RSL1D1: variants seen among roughly 807,000 people sequenced by gnomAD.
The protein encoded by RSL1D1 is ribosomal L1 domain containing 1.
In RSL1D1, 34 loss-of-function variants were observed where a neutral mutation model predicts 44.6. The observed-to-expected ratio is 0.76, with a 90% CI of 0.58 to 1.02. RSL1D1 has a LOEUF of 1.02. Among genes scored for constraint, RSL1D1 ranks in the 50% least tolerant of loss-of-function variants. The pLI, the probability that RSL1D1 is intolerant of heterozygous loss-of-function variation, is 0.00. For missense variants in RSL1D1, 767 were observed against 568.1 expected (o/e 1.35, Z -3.56); for synonymous variants, 271 against 207.4 (o/e 1.31, Z -2.63).
chr16:11,848,392 A>T (rs1175201352), intron 2 of RSL1D1, among the ~76,000 whole-genome samples: 1 of 152,340 alleles, frequency 6.6e-6, no homozygotes, highest in East Asian at 1.9e-4. Context: ...TTGCATATAT[A>T]ATTATTATAC....
chr16:11,846,777 T>G lies in RSL1D1; in HGVS notation c.451A>C (p.Ser151Arg), dbSNP rs200869091. 5.6e-5 allele frequency: 91 copies of G among 1,613,478 alleles called. No individual in the cohort carries two copies. The South Asian group carries it at 9.9e-4, about 18-fold the overall frequency. ...GCATCAGTAAGGAAGAAATCAAAAC[T>G]GCTCAGAAGGCGGAGCTTGGCTTCA... ...SYEAKLRLLS[S>R]FDFFLTDARI... Residue 151 changes from serine (S) to arginine (R), a missense_variant, in exon 4 of 9, where the codon AGT (serine) becomes CGT (arginine). By Grantham distance (110) the Ser-to-Arg change is moderately radical. Coordinates refer to ENST00000571133, the MANE Select transcript of RSL1D1 (RefSeq NM_015659.3).
At position 11,837,984 on chromosome 16, in the gene RSL1D1, T is replaced by G. The variant is rs747144661; in HGVS notation, c.1276A>C (p.Lys426Gln). ...ATTTTTGGCTTCTTCTCTGGGCTTT[T>G]CCCTGGGGTCTCAGACTCTGCAGCT... ...PKAAESETPG[K>Q]SPEKKPKIKE... The change falls in exon 9 of 9, where the codon AAA (lysine) becomes CAA (glutamine). Residue 426 changes from lysine (K) to glutamine (Q), a missense_variant. Coordinates refer to ENST00000571133, the MANE Select transcript of RSL1D1 (RefSeq NM_015659.3). The G allele has an allele frequency of 7.4e-6, 12 of 1,614,030 alleles. No homozygotes were observed. The African/African-American group carries it at 1.5e-4, about 20-fold the overall frequency.
intron 5 of RSL1D1, among the ~76,000 whole-genome samples, chr16:11,844,535 A>T (rs993567887): frequency 2.7e-4 from 41 of 152,166 alleles, no homozygotes; most frequent in African/African-American, 8.9e-4. Flanking sequence ...CTACTTCATT[A>T]CACCTGATGA....
chr16:11,851,209 C>T, intron 1 of RSL1D1, 199 bp downstream of exon 1: 1 of 634,732 alleles, frequency 1.6e-6, no homozygotes, highest in East Asian at 2.8e-5. Flanking sequence ...AATTCACTAG[C>T]GCCAGGCCGC....
rs978627087 is a variant in RSL1D1 at position 11,834,628 on chromosome 16, G to A, written c.*3159C>T. 2 of 152,188 alleles carry A rather than the reference G, an allele frequency of 1.3e-5. No individual in the cohort carries two copies. Among genetic ancestry groups the A allele is most frequent in the African/African-American group, 4.8e-5 (2 of 41,444 alleles). 9.4% of individuals were successfully genotyped at this position (152,188 alleles called of 1,614,324 possible). ...TGTCCTACACAAACCAGACCTTTAA[G>A]TGAAACAAGTCTATCCAACCATCTT... On this transcript the variant is annotated 3_prime_UTR_variant, in exon 9 of 9. Transcript: ENST00000571133.
Position 11,846,798 on chromosome 16 carries a change from C to A in RSL1D1, c.430G>T (p.Ala144Ser), listed in dbSNP as rs572206422. ...TLKKEYKSYE[A>S]KLRLLSSFDF... is the part of the protein sequence containing the mutation. ...AAACTGCTCAGAAGGCGGAGCTTGG[C>A]TTCATAGGATTTATATTCCTTCTTT... The change falls in exon 4 of 9, where the codon GCC (alanine) becomes TCC (serine). Residue 144 changes from alanine to serine, a missense_variant. Physicochemically the swap from Ala to Ser is moderately conservative, Grantham distance 99. Coordinates refer to ENST00000571133, the MANE Select transcript of RSL1D1 (RefSeq NM_015659.3). The A allele has an allele frequency of 1.2e-6, 2 of 1,612,848 alleles. No individual in the cohort carries two copies. Among genetic ancestry groups the A allele is most frequent in the Admixed American group, 3.3e-5 (2 of 60,014 alleles).
At position 11,841,830 on chromosome 16, in the gene RSL1D1, A is replaced by C; in HGVS notation, c.730-10T>G. On this transcript the variant is annotated splice_polypyrimidine_tract_variant and intron_variant, in intron 6 of 8. Transcript: ENST00000571133. ...TCACGCTCTCCCACTTCTGAAACAA[A>C]GAAAAGAGTAACATCGTCTACATAT... The C allele has an allele frequency of 2.5e-6, 4 of 1,575,036 alleles. No individual in the cohort carries two copies. Among genetic ancestry groups the C allele is most frequent in the South Asian group, 2.3e-5 (2 of 87,642 alleles).
Position 11,833,973 on chromosome 16 carries a change from A to G in RSL1D1, c.*3814T>C, listed in dbSNP as rs1395610495. 1 of 152,192 alleles carries G rather than the reference A, an allele frequency of 6.6e-6. No individual in the cohort carries two copies. The highest frequency in any genetic ancestry group is 1.9e-4 in the East Asian group (1 of 5,196). The allele number at this position is 152,192 out of a possible 1,614,324, so 9.4% of individuals were successfully genotyped here. Reference sequence around the variant, plus strand: ...TCTCCCATCAGATCTCATTTGGTTCATTAAATCTCCCTGGTGAAGAGGATG... The same window carrying G: ...TCTCCCATCAGATCTCATTTGGTTCGTTAAATCTCCCTGGTGAAGAGGATG... On this transcript the variant is annotated 3_prime_UTR_variant, in exon 9 of 9. Transcript: ENST00000571133.
chr16:11,845,770 G>T (rs1279521898), intron 5 of RSL1D1, among the ~76,000 whole-genome samples: 1 of 151,554 alleles, frequency 6.6e-6, no homozygotes, highest in East Asian at 1.9e-4. Flanking sequence ...CATTCAGACT[G>T]GAGAACAGTG....
In RSL1D1 at chr16:11,837,892, T is replaced by C. The variant is rs749706945; in HGVS notation, c.1368A>G (p.Lys456=). ...TGGTGAAAAACTTGGCCTCTGGCTT[T>C]TTTGGAGTCTGTCTCGCATCTTTTT... The part of the protein sequence containing the change: ...LGKKDARQTP[K]KPEAKFFTTP... Residue 456 remains lysine (K), a synonymous_variant, in exon 9 of 9, where the codon AAA becomes AAG. Transcript: ENST00000571133. 3 of 1,614,114 alleles carry C rather than the reference T, an allele frequency of 1.9e-6. No individual in the cohort carries two copies. Among genetic ancestry groups the C allele is most frequent in the Admixed American group, 3.3e-5 (2 of 59,996 alleles).
At chr16:11,840,295 G>A (rs1243696395) in intron 7 of RSL1D1, among the ~76,000 whole-genome samples, 1 of 152,204 alleles carries the variant, frequency 6.6e-6, no homozygotes, top group African/African-American at 2.4e-5. Context: ...GCTGGGCGCG[G>A]TGGCTCACGC....
At chr16:11,846,894 G>C (rs1403226884) in intron 3 of RSL1D1, 51 bp from the exon 4 acceptor site, 4 of 1,482,042 alleles carry the variant, frequency 2.7e-6, no homozygotes, top group Non-Finnish European at 3.7e-6. Flanking sequence ...TCTAAACAAG[G>C]AGAAGAAATA....
rs2053724608 is a variant in RSL1D1 at position 11,836,911 on chromosome 16, A to G, written c.*876T>C. 1 of 152,358 alleles carries G rather than the reference A, an allele frequency of 6.6e-6. No individual in the cohort carries two copies. The highest frequency in any genetic ancestry group is 1.9e-4 in the East Asian group (1 of 5,192). The allele number at this position is 152,358 out of a possible 1,614,324, so 9.4% of individuals were successfully genotyped here. ...AGCAGGTGAGGAAAAGGGTCACATC[A>G]CAGACCTCAAGTCAGACCCACTGAT... On this transcript the variant is annotated 3_prime_UTR_variant, in exon 9 of 9. Transcript: ENST00000571133.
chr16:11,851,364 A>C (rs1190034488), intron 1 of RSL1D1, 44 bp downstream of exon 1: 1 of 1,577,610 alleles, frequency 6.3e-7, no homozygotes, highest in Admixed American at 1.7e-5. Context: ...TCACGAGGTA[A>C]CCGCCACACT....
Position 11,836,641 on chromosome 16 carries a change from G to A in RSL1D1, c.*1146C>T, listed in dbSNP as rs1023669759. ...ATAAGGCTTATGGAAGATAAATCATGTTCTTGCCTCCGGTAGGTAGGATTC... is the reference window on the plus strand; with the variant it reads ...ATAAGGCTTATGGAAGATAAATCATATTCTTGCCTCCGGTAGGTAGGATTC... On this transcript the variant is annotated 3_prime_UTR_variant, in exon 9 of 9. Coordinates refer to ENST00000571133, the MANE Select transcript of RSL1D1 (RefSeq NM_015659.3). The A allele has an allele frequency of 2.6e-5, 4 of 152,204 alleles. No individual in the cohort carries two copies. In the East Asian group the frequency reaches 7.7e-4, roughly 29 times the overall value. The allele number at this position is 152,204 out of a possible 1,614,324, so 9.4% of individuals were successfully genotyped here.
At chr16:11,845,925 G>GCC (rs1232236201) in intron 5 of RSL1D1, among the ~76,000 whole-genome samples, 1 of 151,582 alleles carries the variant, frequency 6.6e-6, no homozygotes, top group Non-Finnish European at 1.5e-5. Context: ...GGGGGAGAGG[G>GCC]TCTCATTATG....
At chr16:11,844,382 G>C (rs2053784143) in intron 5 of RSL1D1, among the ~76,000 whole-genome samples, 1 of 152,090 alleles carries the variant, frequency 6.6e-6, no homozygotes, top group South Asian at 2.1e-4. Context: ...TGCCTTCATG[G>C]TACCATCTTC....
In RSL1D1 at chr16:11,835,393, G is replaced by C. The variant is rs1396127201; in HGVS notation, c.*2394C>G. On this transcript the variant is annotated 3_prime_UTR_variant, in exon 9 of 9. Transcript: ENST00000571133. ...GATGGGGTTTCACCATGTAAGCCAG[G>C]CTGGTCTCAGAACTCCTGGCCTCAA... is the stretch of plus-strand genomic sequence containing the variant. 1 of 151,108 alleles carries C rather than the reference G, an allele frequency of 6.6e-6. No individual in the cohort carries two copies. Among genetic ancestry groups the C allele is most frequent in the Admixed American group, 6.6e-5 (1 of 15,122 alleles). The allele number at this position is 151,108 out of a possible 1,614,324, so 9.4% of individuals were successfully genotyped here. A position where few individuals can be genotyped will look rare whatever the true frequency, so the allele number is the denominator to read the frequency against.
At chr16:11,847,558 A>G (rs1365848064) in intron 3 of RSL1D1, 110 bp downstream of exon 3, 44 of 968,872 alleles carry the variant, frequency 4.5e-5, no homozygotes, top group Non-Finnish European at 6.0e-5. Context: ...TTAAATTAAA[A>G]AGAGAAAAGT....
Sources: allele counts gnomAD v4.1 joint callset (sites outside exome capture counted in the v4.1 genomes callset), GRCh38; gene constraint gnomAD v4.1.1; transcripts MANE v1.5; gene names NCBI Gene and HGNC (gene_info 2026-07-23, HGNC 2026-07-21).